The following RARB variants were observed in gnomAD, a reference collection of about 807,000 sequenced individuals.
RARB encodes HBV-activated protein.
In RARB, 17 loss-of-function variants were observed where a neutral mutation model predicts 51.9. The observed-to-expected ratio is 0.33, with a 90% CI of 0.22 to 0.49. The LOEUF is 0.49. RARB is among the 20% of genes least tolerant of loss of function. The pLI is 0.99. For missense variants in RARB, 369 were observed against 550.8 expected (o/e 0.67, Z 3.30); for synonymous variants, 215 against 195.4 (o/e 1.10, Z -0.84).
intron 2 of RARB, among the ~76,000 whole-genome samples, chr3:25,461,616 C>T (rs1414529874): frequency 6.6e-6 from 1 of 152,134 alleles, no homozygotes; most frequent in Admixed American, 6.5e-5. Context: ...CTGGCTAGGC[C>T]AGGTGTGATG....
chr3:24,985,857 A>G (rs1482515911), intron 2 of RARB, among the ~76,000 whole-genome samples: 1 of 152,254 alleles, frequency 6.6e-6, no homozygotes. Flanking sequence ...GCCTCCACGC[A>G]TGTCAGTATC....
At chr3:25,368,837 G>A (rs1706213688) in intron 5 of RARB, among the ~76,000 whole-genome samples, 1 of 152,192 alleles carries the variant, frequency 6.6e-6, no homozygotes, top group African/African-American at 2.4e-5. Flanking sequence ...GATTCTAACA[G>A]ATGATTTAGA....
chr3:24,905,101 G>A lies in RARB; in HGVS notation c.-380+46349G>A, dbSNP rs149537804. The stretch of plus-strand genomic sequence containing the variant: ...GTATACCTATGTAACAAACCTGCAC[G>A]TTCTGCACATGTATCCCAGAACTTA... On this transcript the variant is annotated intron_variant, in intron 2 of 11. Transcript: ENST00000383772. Among the ~76,000 whole-genome samples the A allele has an allele frequency of 6.6e-3, 1,007 of 152,184 alleles. 8 individuals are homozygous for A. Among genetic ancestry groups the A allele is most frequent in the African/African-American group, 0.022 (932 of 41,528 alleles).
At chr3:24,896,925 C>A (rs557300081) in intron 2 of RARB, among the ~76,000 whole-genome samples, 2 of 152,272 alleles carry the variant, frequency 1.3e-5, no homozygotes, top group South Asian at 2.1e-4. Flanking sequence ...AGAAGTTAAC[C>A]CTTCACATTC....
chr3:25,444,943 C>T (rs191330157), intron 1 of RARB, among the ~76,000 whole-genome samples: 1 of 151,918 alleles, frequency 6.6e-6, no homozygotes, highest in African/African-American at 2.4e-5. Context: ...GAATGAACAC[C>T]TCTTTTCTTT....
At chr3:25,475,885 G>T (rs146572308) in intron 2 of RARB, among the ~76,000 whole-genome samples, 1 of 152,200 alleles carries the variant, frequency 6.6e-6, no homozygotes, top group Non-Finnish European at 1.5e-5. Flanking sequence ...GTAAGGCCAG[G>T]TTATGCTGCA....
intron 5 of RARB, among the ~76,000 whole-genome samples, chr3:25,247,445 G>A (rs1201850683): frequency 6.6e-6 from 1 of 152,226 alleles, no homozygotes; most frequent in African/African-American, 2.4e-5. Context: ...CGGGGCCCAT[G>A]TGGTGTAGGC....
intron 2 of RARB, 53 bp downstream of exon 2, chr3:25,461,394 T>C (rs1183435651): frequency 1.9e-6 from 3 of 1,585,466 alleles, no homozygotes; most frequent in African/African-American, 2.7e-5. Flanking sequence ...ATGTACTTTA[T>C]GGAGGTGACC....
At chr3:25,446,281 A>G (rs1190498095) in intron 1 of RARB, among the ~76,000 whole-genome samples, 1 of 152,244 alleles carries the variant, frequency 6.6e-6, no homozygotes, top group Non-Finnish European at 1.5e-5. Context: ...TAGGAGGAAT[A>G]GTTTTTATTT....
chr3:24,891,381 T>G (rs1313698877), intron 2 of RARB, among the ~76,000 whole-genome samples: 1 of 152,142 alleles, frequency 6.6e-6, no homozygotes, highest in Non-Finnish European at 1.5e-5. Context: ...GAAAGTTACT[T>G]GGCTTCCTTG....
chr3:25,161,922 C>T (rs1700479239), intron 4 of RARB, among the ~76,000 whole-genome samples: 1 of 151,990 alleles, frequency 6.6e-6, no homozygotes, highest in Non-Finnish European at 1.5e-5. Flanking sequence ...CTGCATGGTA[C>T]CCATAGAAAG....
chr3:25,228,522 G>T (rs970505992), intron 5 of RARB, among the ~76,000 whole-genome samples: 2 of 151,090 alleles, frequency 1.3e-5, no homozygotes, highest in African/African-American at 4.9e-5. Context: ...TTGATTCTTT[G>T]ATATTCTTCA....
chr3:25,062,597 T>C (rs1698573469), intron 3 of RARB, among the ~76,000 whole-genome samples: 1 of 151,938 alleles, frequency 6.6e-6, no homozygotes, highest in Admixed American at 6.6e-5. Flanking sequence ...AATATAAGTA[T>C]TGATACTTGC....
At chr3:25,083,932 A>G (rs1460992825) in intron 3 of RARB, among the ~76,000 whole-genome samples, 2 of 152,104 alleles carry the variant, frequency 1.3e-5, no homozygotes, top group East Asian at 1.9e-4. Context: ...GTATTCAGCA[A>G]TTTTTATCCA....
chr3:25,567,665 G>A (rs1328190937), intron 3 of RARB, among the ~76,000 whole-genome samples: 1 of 152,150 alleles, frequency 6.6e-6, no homozygotes, highest in Non-Finnish European at 1.5e-5. Context: ...GTACACCTAG[G>A]AGAGGAATTG....
chr3:24,894,043 T>A (rs1264726294), intron 2 of RARB, among the ~76,000 whole-genome samples: 1 of 152,218 alleles, frequency 6.6e-6, no homozygotes, highest in Non-Finnish European at 1.5e-5. Flanking sequence ...AGAATCCTAT[T>A]CAAATGATTA....
At chr3:24,973,253 C>T (rs1006160024) in intron 2 of RARB, among the ~76,000 whole-genome samples, 1 of 151,948 alleles carries the variant, frequency 6.6e-6, no homozygotes, top group African/African-American at 2.4e-5. Context: ...ATTGTATGTA[C>T]TTGGCACTTT....
At chr3:25,013,927 G>A (rs577707272) in intron 2 of RARB, among the ~76,000 whole-genome samples, 22 of 152,126 alleles carry the variant, frequency 1.4e-4, no homozygotes, top group South Asian at 6.2e-4. Context: ...GAAAAGTGTC[G>A]GATAGTATTA....
intron 4 of RARB, among the ~76,000 whole-genome samples, chr3:25,154,479 G>A (rs1700343169): frequency 6.6e-6 from 1 of 152,160 alleles, no homozygotes; most frequent in South Asian, 2.1e-4. Context: ...CCTCTCAGTG[G>A]GACCCTTGCA....
Sources: allele counts gnomAD v4.1 joint callset (sites outside exome capture counted in the v4.1 genomes callset), GRCh38; gene constraint gnomAD v4.1.1; transcripts MANE v1.5; gene names NCBI Gene and HGNC (gene_info 2026-07-23, HGNC 2026-07-21).